The following CEP85L variants were observed in gnomAD, a reference collection of about 807,000 sequenced individuals.
CEP85L encodes the protein centrosomal protein 85L, also known as centrosomal protein of 85 kDa-like.
CEP85L carries 60 observed loss-of-function variants against 100.3 expected under a neutral mutation model. That is an observed-to-expected ratio of 0.60 (90% confidence interval 0.49 to 0.74). CEP85L has a LOEUF of 0.74. CEP85L is among the 30% of genes least tolerant of loss of function. The pLI is 0.00. For missense variants in CEP85L, 973 were observed against 936.2 expected (o/e 1.04, Z -0.51); for synonymous variants, 319 against 322.7 (o/e 0.99, Z 0.12).
intron 1 of CEP85L, among the ~76,000 whole-genome samples, chr6:118,693,502 C>T (rs976066348): frequency 6.6e-6 from 1 of 152,158 alleles, no homozygotes; most frequent in African/African-American, 2.4e-5. Context: ...ATTTTTGGAA[C>T]AATATCTTAT....
chr6:118,467,315 A>C (rs1433525478), intron 12 of CEP85L, among the ~76,000 whole-genome samples: 1 of 152,184 alleles, frequency 6.6e-6, no homozygotes, highest in Non-Finnish European at 1.5e-5. Flanking sequence ...ACACAAAACC[A>C]GTAACAAAAG....
At chr6:118,518,758 C>A (rs925285198) in intron 4 of CEP85L, among the ~76,000 whole-genome samples, 2 of 152,112 alleles carry the variant, frequency 1.3e-5, no homozygotes, top group Non-Finnish European at 2.9e-5. Context: ...TTAATAATTT[C>A]TTGTCTTCTG....
chr6:118,634,725 AT>A (rs11297994), intron 1 of CEP85L, among the ~76,000 whole-genome samples: 32,761 of 151,952 alleles, frequency 0.22, 4,649 homozygotes, highest in East Asian at 0.61. Context: ...CTATACCAAA[AT>A]TTTTTTTCAA....
rs553964177 is a variant in CEP85L at position 118,651,553 on chromosome 6, C to A, written c.-284G>T. 58 of 1,222,978 alleles carry A rather than the reference C, an allele frequency of 4.7e-5. No individual in the cohort carries two copies. In the South Asian group the frequency reaches 1.5e-3, roughly 31 times the overall value. 75.8% of individuals were successfully genotyped at this position (1,222,978 alleles called of 1,614,324 possible). A position where few individuals can be genotyped will look rare whatever the true frequency, so the allele number is the denominator to read the frequency against. ...TGCTAGATCCCCGGCTGAGCCCAGG[C>A]TCAAAGGCTCCAGGCGAAGTTGCAG... On this transcript the variant is annotated 5_prime_UTR_variant, in exon 1 of 13. Transcript: ENST00000368491.
At chr6:118,669,261 G>A (rs972314196) in intron 1 of CEP85L, among the ~76,000 whole-genome samples, 10 of 152,152 alleles carry the variant, frequency 6.6e-5, no homozygotes, top group Admixed American at 5.2e-4. Context: ...CCTCTGATGC[G>A]TTTCAGTTGC....
chr6:118,540,197 C>T (rs1487125685), intron 3 of CEP85L, among the ~76,000 whole-genome samples: 10 of 151,716 alleles, frequency 6.6e-5, no homozygotes, highest in Non-Finnish European at 1.5e-4. Context: ...ACAGCAAAAA[C>T]AGGTACTGTA....
intron 1 of CEP85L, among the ~76,000 whole-genome samples, chr6:118,663,925 C>CT (rs1310112453): frequency 3.5e-3 from 470 of 135,494 alleles, no homozygotes; most frequent in Non-Finnish European, 3.9e-3. Flanking sequence ...GAAGTTTTTC[C>CT]TTTTTTTTTT....
chr6:118,612,414 T>C (rs976986761), intron 2 of CEP85L, among the ~76,000 whole-genome samples: 3 of 151,708 alleles, frequency 2.0e-5, no homozygotes, highest in African/African-American at 7.3e-5. Context: ...TCCCGGCACT[T>C]TGTGAGGCCG....
Position 118,470,650 on chromosome 6 carries a change from ATT to A in CEP85L, c.1915-8_1915-7del. 6.5e-7 allele frequency: 1 copy of A among 1,548,790 alleles called. No homozygotes were observed. The highest frequency in any genetic ancestry group is 8.8e-7 in the Non-Finnish European group (1 of 1,142,420). ...GAAAGCTTTCCTTGCATAGACTAGA[ATT>A]TTTAAAAAAATTGGAAAGCAAAACA... On this transcript the variant is annotated splice_polypyrimidine_tract_variant and splice_region_variant and intron_variant, in intron 10 of 12. Coordinates refer to ENST00000368491, the MANE Select transcript of CEP85L (RefSeq NM_001042475.3).
Position 118,565,985 on chromosome 6 carries a change from C to G in CEP85L, c.564G>C (p.Lys188Asn). 6.2e-7 allele frequency: 1 copy of G among 1,614,210 alleles called. No individual in the cohort carries two copies. The highest frequency in any genetic ancestry group is 8.5e-7 in the Non-Finnish European group (1 of 1,180,032). Residue 188 changes from lysine to asparagine, a missense_variant, in exon 3 of 13, where the codon AAG becomes AAC. Coordinates refer to ENST00000368491, the MANE Select transcript of CEP85L (RefSeq NM_001042475.3). The stretch of plus-strand genomic sequence containing the variant: ...TCAGTTGTGATGTTAAAGCCTTAGC[C>G]TTCCCTATCTTCTCCAAACCATTCC... ...ESRNGLEKIG[K>N]AKALTSQLRT...
At chr6:118,600,297 GGGGGTGTGTGTGTGTGT>G (rs1781671063) in intron 2 of CEP85L, among the ~76,000 whole-genome samples, 10 of 61,294 alleles carry the variant, frequency 1.6e-4, no homozygotes, top group African/African-American at 6.5e-4. Flanking sequence ...GAGCCTTCCT[GGGGGTGTGTGTGTGTGT>G]GTGTGTGTGT....
intron 1 of CEP85L, among the ~76,000 whole-genome samples, chr6:118,638,646 G>A (rs1774669847): frequency 3.3e-5 from 5 of 150,904 alleles, no homozygotes. Flanking sequence ...CAAAAGGACT[G>A]CTGTAAGAAC....
chr6:118,518,488 T>C (rs1343339615), intron 4 of CEP85L, among the ~76,000 whole-genome samples: 1 of 152,230 alleles, frequency 6.6e-6, no homozygotes, highest in East Asian at 1.9e-4. Flanking sequence ...AATTTATCCA[T>C]TTCTTCTAGA....
intron 3 of CEP85L, among the ~76,000 whole-genome samples, chr6:118,535,480 T>G (rs1562239087): frequency 6.6e-6 from 1 of 152,238 alleles, no homozygotes; most frequent in Non-Finnish European, 1.5e-5. Flanking sequence ...TCACTTTCTC[T>G]GGTTTCAGTT....
chr6:118,623,844 G>C (rs2356502), intron 2 of CEP85L, among the ~76,000 whole-genome samples: 1 of 152,040 alleles, frequency 6.6e-6, no homozygotes, highest in Non-Finnish European at 1.5e-5. Context: ...GGAGAAAAGG[G>C]ATAGAGCTGT....
intron 1 of CEP85L, among the ~76,000 whole-genome samples, chr6:118,645,892 T>A (rs2115366217): frequency 6.6e-6 from 1 of 152,266 alleles, no homozygotes; most frequent in East Asian, 1.9e-4. Flanking sequence ...TTTTTTTTAA[T>A]TAAAGAAAAA....
chr6:118,545,232 C>T (rs1449826397), intron 3 of CEP85L, among the ~76,000 whole-genome samples: 5 of 152,196 alleles, frequency 3.3e-5, no homozygotes, highest in Non-Finnish European at 7.3e-5. Flanking sequence ...TACACCACTA[C>T]AGACTGGAGT....
chr6:118,642,611 C>G (rs1216265582), intron 1 of CEP85L, among the ~76,000 whole-genome samples: 1 of 152,182 alleles, frequency 6.6e-6, no homozygotes, highest in Non-Finnish European at 1.5e-5. Context: ...CTAGCTCAAT[C>G]TAAGCTAATA....
intron 1 of CEP85L, among the ~76,000 whole-genome samples, chr6:118,665,103 G>T (rs2115414266): frequency 6.6e-6 from 1 of 152,216 alleles, no homozygotes; most frequent in Middle Eastern, 3.4e-3. Context: ...GCAGAGAGGA[G>T]AAAAATGCTG....
Sources: allele counts gnomAD v4.1 joint callset (sites outside exome capture counted in the v4.1 genomes callset), GRCh38; gene constraint gnomAD v4.1.1; transcripts MANE v1.5; gene names NCBI Gene and HGNC (gene_info 2026-07-23, HGNC 2026-07-21).